The following CCSER1 variants were observed in gnomAD, a reference collection of about 807,000 sequenced individuals.
The protein encoded by CCSER1 is coiled-coil serine rich protein 1, also known as serine-rich coiled-coil domain-containing protein 1.
CCSER1 carries 41 observed loss-of-function variants against 82.0 expected under a neutral mutation model. The observed-to-expected ratio is 0.50, with a 90% CI of 0.39 to 0.65. The LOEUF (loss-of-function observed/expected upper bound fraction) is 0.65, where lower values mean the gene tolerates loss of function less well. Ranked by LOEUF, CCSER1 falls within the 30% of genes least tolerant of loss-of-function variation. The pLI, the probability that CCSER1 is intolerant of heterozygous loss-of-function variation, is 0.00. For missense variants in CCSER1, 1,119 were observed against 1,064.2 expected (o/e 1.05, Z -0.72); for synonymous variants, 414 against 383.9 (o/e 1.08, Z -0.92).
At position 90,347,311 on chromosome 4, in the gene CCSER1, CTCTATCTATCTA is replaced by C. The variant is rs35636292; in HGVS notation, c.1509+34294_1509+34305del. 6.3e-4 allele frequency among the ~76,000 whole-genome samples: 93 copies of C among 148,716 alleles called. 1 individual carries two copies. Among genetic ancestry groups the C allele is most frequent in the African/African-American group, 1.6e-3 (65 of 40,268 alleles). ...ATTCAGTGATAACTATTAACATAAG[CTCTATCTATCTA>C]TCTATCTATCTATCTATCTATCTAT... On this transcript the variant is annotated intron_variant, in intron 3 of 10. Transcript: ENST00000509176.
At chr4:90,468,439 A>T (rs1763918499) in intron 5 of CCSER1, 85 bp downstream of exon 5, 7 of 1,173,326 alleles carry the variant, frequency 6.0e-6, no homozygotes, top group Non-Finnish European at 7.0e-6. Flanking sequence ...AAATGTGTTA[A>T]TATTAGTATA....
intron 8 of CCSER1, among the ~76,000 whole-genome samples, chr4:90,857,033 A>G (rs1391724626): frequency 2.0e-5 from 3 of 151,738 alleles, no homozygotes; most frequent in South Asian, 2.1e-4. Flanking sequence ...CTTCAATCGC[A>G]TATTAATTTT....
At chr4:90,999,492 C>T (rs1399233163) in intron 9 of CCSER1, among the ~76,000 whole-genome samples, 1 of 152,072 alleles carries the variant, frequency 6.6e-6, no homozygotes, top group East Asian at 1.9e-4. Flanking sequence ...TGATGATGAA[C>T]ATTCTTTTAT....
At chr4:91,418,484 A>G (rs1438876901) in intron 10 of CCSER1, among the ~76,000 whole-genome samples, 2 of 151,628 alleles carry the variant, frequency 1.3e-5, no homozygotes, top group Admixed American at 6.6e-5. Context: ...AAAAGAAATG[A>G]ATAAATTTGT....
At chr4:91,454,326 T>G (rs1391159966) in intron 10 of CCSER1, among the ~76,000 whole-genome samples, 28 of 152,064 alleles carry the variant, frequency 1.8e-4, no homozygotes, top group Non-Finnish European at 4.4e-5. Context: ...ATCTGCATTC[T>G]TTGCATTTTG....
At chr4:91,096,828 A>G (rs1391425878) in intron 10 of CCSER1, among the ~76,000 whole-genome samples, 2 of 152,336 alleles carry the variant, frequency 1.3e-5, no homozygotes, top group Admixed American at 6.5e-5. Context: ...GAGGGCACAC[A>G]CACACCTTTA....
intron 10 of CCSER1, among the ~76,000 whole-genome samples, chr4:91,181,998 C>T (rs769073330): frequency 7.2e-5 from 11 of 152,118 alleles, no homozygotes; most frequent in Admixed American, 4.6e-4. Context: ...TGGTGATAAC[C>T]GCTGTCATAG....
chr4:91,042,502 A>T (rs1742052599), intron 9 of CCSER1, among the ~76,000 whole-genome samples: 1 of 152,086 alleles, frequency 6.6e-6, no homozygotes, highest in African/African-American at 2.4e-5. Context: ...AATTAATTGT[A>T]TGTCTCCTTA....
chr4:90,461,129 G>A (rs1368301314), intron 4 of CCSER1, among the ~76,000 whole-genome samples: 1 of 95,754 alleles, frequency 1.0e-5, no homozygotes, highest in Non-Finnish European at 1.8e-5. Context: ...GCAGTGGCGG[G>A]ATCTCGGCTC....
At chr4:91,526,808 A>T (rs985226010) in intron 10 of CCSER1, among the ~76,000 whole-genome samples, 5 of 151,896 alleles carry the variant, frequency 3.3e-5, no homozygotes, top group African/African-American at 1.2e-4. Flanking sequence ...GGCCAGGGTG[A>T]TCTCGAACTC....
At chr4:90,974,268 T>C (rs1735395261) in intron 9 of CCSER1, among the ~76,000 whole-genome samples, 1 of 151,476 alleles carries the variant, frequency 6.6e-6, no homozygotes, top group Admixed American at 6.6e-5. Context: ...GTCTTGATTG[T>C]GGTAACAATT....
At chr4:90,318,205 A>G (rs891156614) in intron 3 of CCSER1, among the ~76,000 whole-genome samples, 1 of 152,182 alleles carries the variant, frequency 6.6e-6, no homozygotes, top group Admixed American at 6.5e-5. Flanking sequence ...TCTTTAGAAT[A>G]TTCTCTCTTC....
intron 10 of CCSER1, among the ~76,000 whole-genome samples, chr4:91,360,408 A>C (rs1239102763): frequency 6.9e-6 from 1 of 145,806 alleles, no homozygotes; most frequent in Non-Finnish European, 1.5e-5. Flanking sequence ...TAGTTAAGAC[A>C]CAAACCTTCA....
chr4:90,715,653 C>A (rs1219349068), intron 6 of CCSER1, among the ~76,000 whole-genome samples: 2 of 151,954 alleles, frequency 1.3e-5, no homozygotes, highest in African/African-American at 4.8e-5. Context: ...GGAGGGTGAA[C>A]CAGAGCTTTT....
chr4:91,341,103 C>T (rs926261206), intron 10 of CCSER1, among the ~76,000 whole-genome samples: 2 of 152,162 alleles, frequency 1.3e-5, no homozygotes, highest in African/African-American at 2.4e-5. Context: ...TGATTTCATT[C>T]AGCTGCCTTC....
chr4:91,540,904 A>G (rs1157884016), intron 10 of CCSER1, among the ~76,000 whole-genome samples: 1 of 152,142 alleles, frequency 6.6e-6, no homozygotes, highest in Non-Finnish European at 1.5e-5. Context: ...GCCATTTATC[A>G]GTTTGTTCTT....
intron 7 of CCSER1, among the ~76,000 whole-genome samples, chr4:90,728,024 C>T (rs1414532203): frequency 6.6e-6 from 1 of 152,020 alleles, no homozygotes; most frequent in Non-Finnish European, 1.5e-5. Context: ...TGAGGAATAC[C>T]CTCCATTCAC....
At chr4:90,776,731 A>G (rs1294459224) in intron 7 of CCSER1, among the ~76,000 whole-genome samples, 2 of 152,200 alleles carry the variant, frequency 1.3e-5, no homozygotes, top group Non-Finnish European at 2.9e-5. Flanking sequence ...AATAAGCACT[A>G]ATATTTTCCC....
At chr4:91,516,708 G>T (rs576526796) in intron 10 of CCSER1, among the ~76,000 whole-genome samples, 1 of 152,122 alleles carries the variant, frequency 6.6e-6, no homozygotes, top group South Asian at 2.1e-4. Flanking sequence ...TCTTCCAAAT[G>T]AATTTTAAAA....
Sources: allele counts gnomAD v4.1 joint callset (sites outside exome capture counted in the v4.1 genomes callset), GRCh38; gene constraint gnomAD v4.1.1; transcripts MANE v1.5; gene names NCBI Gene and HGNC (gene_info 2026-07-23, HGNC 2026-07-21).